IZUMO1: variants seen among roughly 807,000 people sequenced by gnomAD.
IZUMO1 encodes the protein izumo sperm-oocyte fusion 1.
IZUMO1 carries 44 observed loss-of-function variants against 40.7 expected under a neutral mutation model. The ratio of observed to expected loss-of-function variants is 1.08; its 90% confidence interval spans 0.85 to 1.39. The LOEUF is 1.39. Ranked by LOEUF, IZUMO1 falls within the 40% of genes most tolerant of loss-of-function variation. The probability of loss-of-function intolerance (pLI) is 0.00; values close to 1 mark genes in which losing one functional copy is unlikely to be tolerated. For synonymous variants in IZUMO1, 149 were observed against 170.9 expected (o/e 0.87, Z 1.00); for missense variants, 368 against 436.9 (o/e 0.84, Z 1.41).
At chr19:48,742,336 A>G (rs2033727892) in intron 6 of IZUMO1, 27 bp from the exon 7 acceptor site, 1 of 1,507,720 alleles carries the variant, frequency 6.6e-7, no homozygotes, top group Admixed American at 1.7e-5. Flanking sequence ...ACCATGGGAC[A>G]CTCATGATTC....
intron 2 of IZUMO1, 139 bp downstream of exon 2, chr19:48,745,486 C>T (rs775318880): frequency 4.4e-6 from 5 of 1,138,460 alleles, no homozygotes; most frequent in Non-Finnish European, 6.3e-6. Flanking sequence ...ATTTACTAGC[C>T]TCGGGGAACC....
At chr19:48,745,404 C>G (rs1428445207) in intron 2 of IZUMO1, 116 bp from the exon 3 acceptor site, 1 of 1,081,384 alleles carries the variant, frequency 9.2e-7, no homozygotes, top group East Asian at 2.4e-5. Flanking sequence ...GTTAAGGACT[C>G]AGCCGCCCGT....
At chr19:48,743,764 G>A (rs1398005013) in intron 5 of IZUMO1, 6 of 545,822 alleles carry the variant, frequency 1.1e-5, no homozygotes, top group South Asian at 4.1e-5. Context: ...AGGCCGAGGC[G>A]GGCGGATCAC....
At position 48,741,107 on chromosome 19, in the gene IZUMO1, C is replaced by G. The variant is rs1318521732; in HGVS notation, c.933-79G>C. On this transcript the variant is annotated intron_variant, in intron 9 of 9. Transcript: ENST00000332955. This position sits in a 1 kb window ranked among gnomAD's most constrained non-coding sequence, Gnocchi z 4.4. The stretch of plus-strand genomic sequence containing the variant: ...TGGGGGACACCCCTCCCAACCTCCC[C>G]CTTTGTGACCTTATTCTAGCAATTA... The G allele has an allele frequency of 6.3e-7, 1 of 1,582,976 alleles. No individual in the cohort carries two copies. Among genetic ancestry groups the G allele is most frequent in the Admixed American group, 1.7e-5 (1 of 58,136 alleles).
chr19:48,743,841 A>G, intron 5 of IZUMO1: 1 of 464,566 alleles, frequency 2.2e-6, no homozygotes, highest in Non-Finnish European at 3.9e-6. Flanking sequence ...AAATACAAAA[A>G]TTAGCTGGGT....
chr19:48,742,178 G>T, intron 7 of IZUMO1, 31 bp downstream of exon 7: 1 of 1,552,624 alleles, frequency 6.4e-7, no homozygotes, highest in Non-Finnish European at 8.9e-7. Context: ...AGTCTAGGGA[G>T]TTCAAGGGTT....
chr19:48,745,956 C>A, intron 1 of IZUMO1, 24 bp from the exon 2 acceptor site: 1 of 1,547,044 alleles, frequency 6.5e-7, no homozygotes, highest in Non-Finnish European at 8.7e-7. Flanking sequence ...AGCCAAAATC[C>A]ATCTTAAGAA....
chr19:48,741,862 A>G lies in IZUMO1; in HGVS notation c.681T>C (p.Asp227=), dbSNP rs137873508. The G allele has an allele frequency of 1.9e-4, 302 of 1,611,958 alleles. 2 individuals carry two copies. Among genetic ancestry groups the G allele is most frequent in the Middle Eastern group, 3.3e-4 (2 of 6,060 alleles). ...CCAGCTCGCAGCGGTAGCTGCCTGC[A>G]TCCTCTGGACCCACCATGGGCTTGG... ...TLTKPMVGPE[D]AGSYRCELGS... is the part of the protein sequence containing the mutation. The change falls in exon 8 of 10, where the codon GAT becomes GAC. Residue 227 remains aspartate (D), a synonymous_variant. Coordinates refer to ENST00000332955, the MANE Select transcript of IZUMO1 (RefSeq NM_182575.3). This position sits in a 1 kb window ranked among gnomAD's most constrained non-coding sequence, Gnocchi z 4.4.
chr19:48,744,924 T>G (rs2033834517), intron 3 of IZUMO1, among the ~76,000 whole-genome samples: 1 of 152,180 alleles, frequency 6.6e-6, no homozygotes, highest in Non-Finnish European at 1.5e-5. Flanking sequence ...CTTGAACTAC[T>G]GAGCTCAAGT....
rs199766108 is a variant in IZUMO1, at chr19:48,744,195, G to A, written c.398C>T (p.Ala133Val). 1.1e-5 allele frequency: 18 copies of A among 1,613,246 alleles called. No individual in the cohort carries two copies. The Admixed American group carries it at 2.0e-4, about 18-fold the overall frequency. ...ATYVARFQKE[A>V]YCPNKCGVML... ...CTCACCACATTTGTTGGGACAATAA[G>A]CTGTGTCAAAAGAGAAAAAAAGAGA... The change falls in exon 5 of 10, where the codon GCT becomes GTT. Residue 133 changes from alanine to valine, a missense_variant and splice_region_variant. Transcript: ENST00000332955.
Position 48,745,528 on chromosome 19 carries a change from C to T in IZUMO1, c.235+97G>A, listed in dbSNP as rs2033858648. The T allele has an allele frequency of 4.1e-6, 6 of 1,450,788 alleles. No homozygotes were observed. The East Asian group carries it at 1.4e-4, about 33-fold the overall frequency. 89.9% of individuals were successfully genotyped at this position (1,450,788 alleles called of 1,614,324 possible). A position where few individuals can be genotyped will look rare whatever the true frequency, so the allele number is the denominator to read the frequency against. On this transcript the variant is annotated intron_variant, in intron 2 of 9. Transcript: ENST00000332955. The stretch of plus-strand genomic sequence containing the variant: ...TCTGCATCTCAGCCTTCTCCATTCC[C>T]GAATCCCGGAGACCCTGCTGTCAGC...
Position 48,742,226 on chromosome 19 carries a change from C to T in IZUMO1, c.583G>A (p.Asp195Asn). 1 of 1,613,582 alleles carries T rather than the reference C, an allele frequency of 6.2e-7. No individual in the cohort carries two copies. The highest frequency in any genetic ancestry group is 1.1e-5 in the South Asian group (1 of 91,064). The change falls in exon 7 of 10, where the codon GAT becomes AAT. Residue 195 changes from aspartate to asparagine, a missense_variant. Transcript: ENST00000332955. ...GCCCTCACCCTGTAAAAGCTGTAATCAGTGAGGCCTTCCGAAGCCTGATGC... is the reference window on the plus strand; with the variant it reads ...GCCCTCACCCTGTAAAAGCTGTAATTAGTGAGGCCTTCCGAAGCCTGATGC... ...NWHQASEGLT[D>N]YSFYRVWGNN...
At chr19:48,743,243 G>T (rs1373807968) in intron 6 of IZUMO1, 10 of 587,208 alleles carry the variant, frequency 1.7e-5, no homozygotes, top group Admixed American at 8.9e-5. Context: ...GCCCAGGCTG[G>T]TCTCAAACTC....
At chr19:48,745,486 C>G in intron 2 of IZUMO1, 139 bp downstream of exon 2, 1 of 1,138,578 alleles carries the variant, frequency 8.8e-7, no homozygotes, top group South Asian at 1.4e-5. Flanking sequence ...ATTTACTAGC[C>G]TCGGGGAACC....
intron 6 of IZUMO1, among the ~76,000 whole-genome samples, chr19:48,742,549 T>C (rs1450482383): frequency 6.6e-6 from 1 of 151,934 alleles, no homozygotes; most frequent in Non-Finnish European, 1.5e-5. Flanking sequence ...GGTTTCACCA[T>C]ATTGGACAGG....
At chr19:48,744,832 A>G (rs1391419384) in intron 3 of IZUMO1, among the ~76,000 whole-genome samples, 1 of 152,012 alleles carries the variant, frequency 6.6e-6, no homozygotes, top group Admixed American at 6.6e-5. Context: ...GACTACAGGC[A>G]CACACCACCA....
Position 48,743,997 on chromosome 19 carries a change from G to GAGTGTAA in IZUMO1, c.418+171_418+177dup, listed in dbSNP as rs2033802836. 16 of 661,130 alleles carry GAGTGTAA rather than the reference G, an allele frequency of 2.4e-5. No homozygotes were observed. The South Asian group carries it at 2.8e-4, about 12-fold the overall frequency. The allele number at this position is 661,130 out of a possible 1,614,324, so 41.0% of individuals were successfully genotyped here. ...CAGGGTGAGACTGTCTCAAAAAAAA[G>GAGTGTAA]AGTGTAAGTAGAATATGACCTGCTC... On this transcript the variant is annotated intron_variant, in intron 5 of 9. Coordinates refer to ENST00000332955, the MANE Select transcript of IZUMO1 (RefSeq NM_182575.3).
chr19:48,744,375 GAAGT>G (rs1370045723), intron 4 of IZUMO1, 74 bp downstream of exon 4: 2 of 1,289,712 alleles, frequency 1.6e-6, no homozygotes, highest in Admixed American at 3.4e-5. Context: ...TGGGCTTGGA[GAAGT>G]AAGGGGCTGG....
intron 2 of IZUMO1, 39 bp from the exon 3 acceptor site, chr19:48,745,327 G>T: frequency 6.4e-7 from 1 of 1,558,166 alleles, no homozygotes; most frequent in Non-Finnish European, 8.9e-7. Context: ...CAGCCTTACT[G>T]TCTCATTGGC....
Sources: gnomAD v4.1 joint callset for allele counts (sites outside exome capture counted in the v4.1 genomes callset) on GRCh38, gnomAD v4.1.1 for gene constraint, Gnocchi (gnomAD v3.1) non-coding constraint, MANE v1.5 for transcripts, NCBI Gene and HGNC (gene_info 2026-07-23, HGNC 2026-07-21) for gene names.